POU2F1: variants seen among roughly 807,000 people sequenced by gnomAD.
POU2F1 encodes POU domain, class 2, transcription factor 1.
Under a neutral mutation model 84.9 loss-of-function variants are expected in POU2F1, and 16 were observed. The ratio of observed to expected loss-of-function variants is 0.19; its 90% CI spans 0.13 to 0.29. The LOEUF (loss-of-function observed/expected upper bound fraction) is 0.29, where lower values mean the gene tolerates loss of function less well. POU2F1 is among the 10% of genes least tolerant of loss of function. The pLI, the probability that POU2F1 is intolerant of heterozygous loss-of-function variation, is 1.00. For synonymous variants in POU2F1, 368 were observed against 368.3 expected (o/e 1.00, Z 0.01); for missense variants, 738 against 942.6 (o/e 0.78, Z 2.84).
rs1650906431 is a variant in POU2F1, at chr1:167,425,590, CCAGGGT to C, written c.*9783_*9788del. Reference sequence around the variant, plus strand: ...ACCACCATCATCCACCCTACACCAACCAGGGTCACTATGGGGACTTAGCACAGGGCC... The same window carrying C: ...ACCACCATCATCCACCCTACACCAACCACTATGGGGACTTAGCACAGGGCC... On this transcript the variant is annotated 3_prime_UTR_variant, in exon 16 of 16. Transcript: ENST00000367866. 1 of 152,298 alleles carries C rather than the reference CCAGGGT, an allele frequency of 6.6e-6. No individual in the cohort carries two copies. The highest frequency in any genetic ancestry group is 6.5e-5 in the Admixed American group (1 of 15,274). 9.4% of individuals were successfully genotyped at this position (152,298 alleles called of 1,614,324 possible).
In POU2F1 at chr1:167,424,998, C is replaced by G. The variant is rs1382774509; in HGVS notation, c.*9188C>G. On this transcript the variant is annotated 3_prime_UTR_variant, in exon 16 of 16. Coordinates refer to ENST00000367866, the MANE Select transcript of POU2F1 (RefSeq NM_002697.4). ...AGCTGACTGCTGCATACACATTTCACTTTTTTTCCTTTGACATGACCAAAA... is the reference window on the plus strand; with the variant it reads ...AGCTGACTGCTGCATACACATTTCAGTTTTTTTCCTTTGACATGACCAAAA... The G allele has an allele frequency of 2.0e-5, 3 of 152,082 alleles. No homozygotes were observed. Among genetic ancestry groups the G allele is most frequent in the African/African-American group, 7.2e-5 (3 of 41,396 alleles). The allele number at this position is 152,082 out of a possible 1,614,324, so 9.4% of individuals were successfully genotyped here.
At chr1:167,252,313 A>G (rs1019242663) in intron 1 of POU2F1, among the ~76,000 whole-genome samples, 2 of 152,196 alleles carry the variant, frequency 1.3e-5, no homozygotes, top group Non-Finnish European at 2.9e-5. Context: ...GCTATTTGCT[A>G]TTAGGATTAT....
intron 1 of POU2F1, among the ~76,000 whole-genome samples, chr1:167,306,157 T>TATA (rs1230128459): frequency 1.3e-5 from 2 of 152,210 alleles, no homozygotes; most frequent in African/African-American, 4.8e-5. Context: ...GGGACTGCTG[T>TATA]ATAGTGTTCA....
chr1:167,270,227 A>AT (rs1652272892), intron 1 of POU2F1, among the ~76,000 whole-genome samples: 1 of 152,110 alleles, frequency 6.6e-6, no homozygotes, highest in Non-Finnish European at 1.5e-5. Context: ...TACATAGCAC[A>AT]TTCAACATTT....
intron 1 of POU2F1, among the ~76,000 whole-genome samples, chr1:167,261,455 G>C (rs550753090): frequency 6.6e-6 from 1 of 152,274 alleles, no homozygotes; most frequent in South Asian, 2.1e-4. Context: ...CTCTGCATGG[G>C]TTATTTTTCT....
chr1:167,260,799 A>G (rs1651506160), intron 1 of POU2F1, among the ~76,000 whole-genome samples: 1 of 152,162 alleles, frequency 6.6e-6, no homozygotes, highest in Non-Finnish European at 1.5e-5. Context: ...TGTGCCCTTA[A>G]TTACTTTGGA....
At chr1:167,253,380 C>G (rs79437076) in intron 1 of POU2F1, among the ~76,000 whole-genome samples, 5 of 18,504 alleles carry the variant, frequency 2.7e-4, no homozygotes, top group Non-Finnish European at 4.8e-4. Flanking sequence ...TTTTCTGCCC[C>G]CCCCCCCCCA....
chr1:167,405,223 T>C (rs1339727813), intron 13 of POU2F1, among the ~76,000 whole-genome samples: 1 of 152,142 alleles, frequency 6.6e-6, no homozygotes, highest in Non-Finnish European at 1.5e-5. Context: ...AGTGACAAAA[T>C]TGTTGATTCC....
Position 167,407,910 on chromosome 1 carries a change from G to C in POU2F1, c.1556-4049G>C, listed in dbSNP as rs73028209. 4.5e-3 allele frequency among the ~76,000 whole-genome samples: 678 copies of C among 152,222 alleles called. 9 individuals carry two copies. Among genetic ancestry groups the C allele is most frequent in the African/African-American group, 0.015 (623 of 41,548 alleles). ...AAAGAAAAAAAAATTAGTAAATTCA[G>C]CTTCATCAAAAGTAAAATCTTTTGT... On this transcript the variant is annotated intron_variant, in intron 13 of 15. Coordinates refer to ENST00000367866, the MANE Select transcript of POU2F1 (RefSeq NM_002697.4).
At chr1:167,236,839 A>AT (rs1649493146) in intron 1 of POU2F1, among the ~76,000 whole-genome samples, 1 of 151,890 alleles carries the variant, frequency 6.6e-6, no homozygotes, top group South Asian at 2.1e-4. Context: ...GAGTGAGCAT[A>AT]TTTTTTTTAC....
At chr1:167,361,915 A>G (rs1393967549) in intron 2 of POU2F1, among the ~76,000 whole-genome samples, 1 of 151,592 alleles carries the variant, frequency 6.6e-6, no homozygotes, top group Admixed American at 6.6e-5. Context: ...TACTTTTCCA[A>G]CTGCTCCTTC....
rs372170188 is a variant in POU2F1 at position 167,260,447 on chromosome 1, T to G, written c.61+39489T>G. On this transcript the variant is annotated intron_variant, in intron 1 of 15. Transcript: ENST00000367866. The stretch of plus-strand genomic sequence containing the variant: ...ATGTGTTATTAAAGAAAGCTGTCTC[T>G]TCCAGATCTTCAGATTCTCGTATGT... 2.6e-5 allele frequency among the ~76,000 whole-genome samples: 4 copies of G among 152,218 alleles called. No individual in the cohort carries two copies. In the East Asian group the frequency reaches 7.7e-4, roughly 29 times the overall value.
chr1:167,401,546 T>C lies in POU2F1; in HGVS notation c.1545T>C (p.Leu515=). The C allele has an allele frequency of 6.2e-7, 1 of 1,605,492 alleles. No individual in the cohort carries two copies. Among genetic ancestry groups the C allele is most frequent in the Non-Finnish European group, 8.5e-7 (1 of 1,176,040 alleles). Residue 515 remains leucine, a synonymous_variant, in exon 13 of 16, where the codon CTT becomes CTC. Coordinates refer to ENST00000367866, the MANE Select transcript of POU2F1 (RefSeq NM_002697.4). The stretch of plus-strand genomic sequence containing the variant: ...TGACCAGTGCTGCTGTGACGAATCT[T>C]TCAGTTACAGGTAAGCAGCTGCCAG... ...LPLTSAAVTN[L]SVTGTSDTTS... is the part of the protein sequence containing the mutation.
chr1:167,391,455 C>T (rs1302515674), intron 9 of POU2F1, among the ~76,000 whole-genome samples: 1 of 151,012 alleles, frequency 6.6e-6, no homozygotes, highest in East Asian at 1.9e-4. Flanking sequence ...GTTGAAAGTA[C>T]GGTAATGCTC....
At chr1:167,368,738 G>T (rs999223988) in intron 3 of POU2F1, among the ~76,000 whole-genome samples, 26 of 152,064 alleles carry the variant, frequency 1.7e-4, no homozygotes, top group Non-Finnish European at 3.8e-4. Context: ...GTGTTTGAGG[G>T]TTCTCATCTA....
intron 8 of POU2F1, among the ~76,000 whole-genome samples, chr1:167,385,147 A>G (rs758229794): frequency 9.2e-5 from 14 of 152,188 alleles, no homozygotes; most frequent in Admixed American, 4.6e-4. Context: ...AAATAGTTCT[A>G]TAGTTGAAAA....
At chr1:167,371,687 G>A (rs932208399) in intron 4 of POU2F1, among the ~76,000 whole-genome samples, 4 of 152,120 alleles carry the variant, frequency 2.6e-5, no homozygotes, top group African/African-American at 9.7e-5. Context: ...ATTTGTGGGG[G>A]ATGACTTTAT....
chr1:167,406,679 A>C (rs1165720878), intron 13 of POU2F1, among the ~76,000 whole-genome samples: 2 of 152,264 alleles, frequency 1.3e-5, no homozygotes, highest in Non-Finnish European at 2.9e-5. Flanking sequence ...GCAGAATACA[A>C]GATTGATATA....
At chr1:167,366,753 T>C (rs1446323124) in intron 3 of POU2F1, among the ~76,000 whole-genome samples, 2 of 152,180 alleles carry the variant, frequency 1.3e-5, no homozygotes, top group Non-Finnish European at 2.9e-5. Flanking sequence ...ATTTTAAATA[T>C]ATCCTAGAAG....
Sources: gnomAD v4.1 joint callset for allele counts (sites outside exome capture counted in the v4.1 genomes callset) on GRCh38, gnomAD v4.1.1 for gene constraint, MANE v1.5 for transcripts, NCBI Gene and HGNC (gene_info 2026-07-23, HGNC 2026-07-21) for gene names.